NRXN1: variants seen among roughly 807,000 people sequenced by gnomAD.
The protein encoded by NRXN1 is neurexin-1.
A neutral mutation model predicts 150.9 loss-of-function variants in NRXN1; 39 were observed. The ratio of observed to expected loss-of-function variants is 0.26; its 90% CI spans 0.20 to 0.34. NRXN1 has a LOEUF of 0.34. Ranked by LOEUF, NRXN1 falls within the 10% of genes least tolerant of loss-of-function variation. The pLI is 1.00. For missense variants in NRXN1, 1,815 were observed against 1,949.9 expected (o/e 0.93, Z 1.30); for synonymous variants, 924 against 757.0 (o/e 1.22, Z -3.62).
intron 22 of NRXN1, among the ~76,000 whole-genome samples, chr2:49,941,100 C>T (rs947467123): frequency 4.6e-5 from 7 of 151,832 alleles, no homozygotes; most frequent in Non-Finnish European, 8.8e-5. Flanking sequence ...AGAACAAGTC[C>T]ATGCAGGCAG....
intron 17 of NRXN1, among the ~76,000 whole-genome samples, chr2:50,313,914 C>T (rs1277966136): frequency 6.6e-6 from 1 of 151,970 alleles, no homozygotes; most frequent in Non-Finnish European, 1.5e-5. Flanking sequence ...GGGAGCTCTG[C>T]TGTAAATATA....
At position 50,236,896 on chromosome 2, in the gene NRXN1, T is replaced by A. The variant is rs1330754644; in HGVS notation, c.3439A>T (p.Thr1147Ser). ...YKWPPNDRPS[T>S]RADRLAIGFS... is the part of the protein sequence containing the mutation. ...CCTATGGCCAGTCTGTCTGCTCGTG[T>A]ACTGGGTCGGTCATTAGGAGGCCAC... The change falls in exon 18 of 23, where the codon ACA (threonine) becomes TCA (serine). Residue 1147 changes from threonine (T) to serine (S), a missense_variant. Physicochemically the swap from Thr to Ser is moderately conservative, Grantham distance 58. Transcript: ENST00000401669. The A allele has an allele frequency of 1.2e-6, 2 of 1,613,374 alleles. No individual in the cohort carries two copies. Among genetic ancestry groups the A allele is most frequent in the Non-Finnish European group, 1.7e-6 (2 of 1,179,608 alleles).
At chr2:50,150,735 C>T (rs1484448327) in intron 18 of NRXN1, among the ~76,000 whole-genome samples, 4 of 151,690 alleles carry the variant, frequency 2.6e-5, no homozygotes, top group Non-Finnish European at 5.9e-5. Context: ...CCTCCTTTTA[C>T]AGGAACATGA....
At chr2:50,250,917 C>T (rs1200749066) in intron 17 of NRXN1, among the ~76,000 whole-genome samples, 3 of 149,706 alleles carry the variant, frequency 2.0e-5, no homozygotes, top group African/African-American at 5.0e-5. Flanking sequence ...ATTTATTACA[C>T]ATTGCATATG....
At chr2:50,948,058 T>C (rs1354054057) in intron 2 of NRXN1, among the ~76,000 whole-genome samples, 2 of 151,944 alleles carry the variant, frequency 1.3e-5, no homozygotes, top group African/African-American at 4.8e-5. Context: ...TTAAAATATA[T>C]TAATATTTCA....
chr2:50,995,009 A>C (rs1699052363), intron 2 of NRXN1, among the ~76,000 whole-genome samples: 1 of 152,104 alleles, frequency 6.6e-6, no homozygotes, highest in Non-Finnish European at 1.5e-5. Context: ...AGAGAAATAT[A>C]GGGTAATAAC....
intron 5 of NRXN1, among the ~76,000 whole-genome samples, chr2:50,882,698 G>T (rs1232545914): frequency 6.6e-6 from 1 of 151,668 alleles, no homozygotes; most frequent in South Asian, 2.1e-4. Flanking sequence ...AATAATTTTG[G>T]GGATCTGGAA....
At chr2:50,062,144 T>C (rs1475121720) in intron 19 of NRXN1, among the ~76,000 whole-genome samples, 1 of 152,214 alleles carries the variant, frequency 6.6e-6, no homozygotes, top group Non-Finnish European at 1.5e-5. Context: ...AAATCCCAGA[T>C]AATTTTATTT....
At chr2:50,313,541 C>T (rs897481025) in intron 17 of NRXN1, among the ~76,000 whole-genome samples, 5 of 151,990 alleles carry the variant, frequency 3.3e-5, no homozygotes, top group African/African-American at 9.7e-5. Context: ...CATTAGACCC[C>T]GTAGACATGT....
chr2:50,001,934 G>A (rs1011936426), intron 21 of NRXN1, among the ~76,000 whole-genome samples: 5 of 151,966 alleles, frequency 3.3e-5, no homozygotes, highest in Admixed American at 3.3e-4. Flanking sequence ...TCTCCTGCTG[G>A]CCTTCAAGAA....
intron 13 of NRXN1, among the ~76,000 whole-genome samples, chr2:50,499,242 T>C (rs1422700398): frequency 6.6e-6 from 1 of 152,218 alleles, no homozygotes; most frequent in East Asian, 1.9e-4. Flanking sequence ...TAACCCTATT[T>C]CATTTTCAAA....
intron 5 of NRXN1, among the ~76,000 whole-genome samples, chr2:50,899,156 T>A (rs940345979): frequency 1.3e-5 from 2 of 152,184 alleles, no homozygotes; most frequent in Admixed American, 6.5e-5. Context: ...ATAGGTTGAC[T>A]TTTAATCCTG....
intron 19 of NRXN1, among the ~76,000 whole-genome samples, chr2:50,073,577 A>G (rs1052674316): frequency 1.3e-5 from 2 of 152,232 alleles, no homozygotes; most frequent in Admixed American, 6.5e-5. Context: ...GAAAATAGGT[A>G]GTCACAGTAG....
rs193052029 is a variant in NRXN1 at position 50,659,465 on chromosome 2, G to A, written c.833-35850C>T. On this transcript the variant is annotated intron_variant, in intron 5 of 22. Transcript: ENST00000401669. ...TCAATATCACTTTTTTTTTTAGTAC[G>A]CAACACATTGGTATACTGTCTGGGG... Among the ~76,000 whole-genome samples the A allele has an allele frequency of 4.8e-3, 729 of 151,160 alleles. 3 individuals carry two copies. Among genetic ancestry groups the A allele is most frequent in the Non-Finnish European group, 7.7e-3 (523 of 67,784 alleles).
At chr2:50,021,881 C>T (rs1182735200) in intron 21 of NRXN1, among the ~76,000 whole-genome samples, 6 of 152,142 alleles carry the variant, frequency 3.9e-5, no homozygotes, top group African/African-American at 2.4e-5. Flanking sequence ...GATGGAGTCT[C>T]GTTCTGTAAC....
chr2:50,272,290 C>T (rs1010651796), intron 17 of NRXN1, among the ~76,000 whole-genome samples: 1 of 152,152 alleles, frequency 6.6e-6, no homozygotes, highest in Admixed American at 6.6e-5. Context: ...TATAGACCTA[C>T]CATCTGCAAG....
At chr2:50,296,143 C>T (rs532806440) in intron 17 of NRXN1, among the ~76,000 whole-genome samples, 37 of 152,254 alleles carry the variant, frequency 2.4e-4, no homozygotes, top group South Asian at 8.3e-4. Flanking sequence ...TTAGGTTTCA[C>T]GCCTACTTGA....
chr2:49,927,932 G>A (rs1015345678), intron 22 of NRXN1, among the ~76,000 whole-genome samples: 7 of 151,842 alleles, frequency 4.6e-5, no homozygotes, highest in Middle Eastern at 3.4e-3. Flanking sequence ...GTAATTTTTC[G>A]GGCTGGTTTT....
chr2:50,027,260 TTTCC>T (rs942444143), intron 21 of NRXN1, among the ~76,000 whole-genome samples: 16 of 151,792 alleles, frequency 1.1e-4, no homozygotes, highest in South Asian at 4.2e-4. Context: ...TATTTCCTTC[TTTCC>T]TTCCTTCCTT....
Sources: gnomAD v4.1 joint callset for allele counts (sites outside exome capture counted in the v4.1 genomes callset) on GRCh38, gnomAD v4.1.1 for gene constraint, MANE v1.5 for transcripts, NCBI Gene and HGNC (gene_info 2026-07-23, HGNC 2026-07-21) for gene names.